The following PTPRR variants were observed in gnomAD, a reference collection of about 807,000 sequenced individuals.
PTPRR encodes the protein receptor-type tyrosine-protein phosphatase R.
Under a neutral mutation model 77.2 loss-of-function variants are expected in PTPRR, and 38 were observed. The ratio of observed to expected loss-of-function variants is 0.49; its 90% CI spans 0.38 to 0.65. The LOEUF (loss-of-function observed/expected upper bound fraction) is 0.65. Among genes scored for constraint, PTPRR ranks in the 30% least tolerant of loss-of-function variants. The pLI is 0.00. For synonymous variants in PTPRR, 299 were observed against 283.1 expected (o/e 1.06, Z -0.57); for missense variants, 744 against 799.2 (o/e 0.93, Z 0.83).
chr12:70,692,278 T>C (rs1262202777), intron 8 of PTPRR, among the ~76,000 whole-genome samples: 1 of 152,196 alleles, frequency 6.6e-6, no homozygotes, highest in Non-Finnish European at 1.5e-5. Context: ...TTATTGATAA[T>C]TCAGTTTAGA....
chr12:70,706,131 G>T (rs992750813), intron 6 of PTPRR, among the ~76,000 whole-genome samples: 1 of 152,108 alleles, frequency 6.6e-6, no homozygotes, highest in African/African-American at 2.4e-5. Flanking sequence ...GGACTGAGTG[G>T]CATAGGCAGT....
chr12:70,780,441 A>C (rs1304171778), intron 2 of PTPRR, among the ~76,000 whole-genome samples: 1 of 152,224 alleles, frequency 6.6e-6, no homozygotes, highest in Non-Finnish European at 1.5e-5. Flanking sequence ...TGCATATGAT[A>C]GAAAATTTAT....
chr12:70,695,627 C>T (rs989231816), intron 8 of PTPRR, among the ~76,000 whole-genome samples: 3 of 152,124 alleles, frequency 2.0e-5, no homozygotes, highest in Non-Finnish European at 4.4e-5. Context: ...TGAACTAATG[C>T]TAATAATTTC....
chr12:70,733,481 A>AAAAAAAAAAAAAAAAAAAAAAAATTTT (rs1565672469), intron 6 of PTPRR, among the ~76,000 whole-genome samples: 1 of 80,836 alleles, frequency 1.2e-5, no homozygotes, highest in African/African-American at 6.3e-5. Context: ...AAAAAAAAAA[A>AAAAAAAAAAAAAAAAAAAAAAAATTTT]GAAAAAAAAA....
In PTPRR at chr12:70,900,031, G is replaced by A. The variant is rs183141961; in HGVS notation, c.59-7054C>T. 1.3e-4 allele frequency among the ~76,000 whole-genome samples: 19 copies of A among 151,384 alleles called. No homozygotes were observed. The East Asian group carries it at 2.3e-3, about 19-fold the overall frequency. Reference sequence around the variant, plus strand: ...AATGTTGAACAAAGAAATCAGAGACGACCTAAATAAACAACAAATATACTA... The same window carrying A: ...AATGTTGAACAAAGAAATCAGAGACAACCTAAATAAACAACAAATATACTA... On this transcript the variant is annotated intron_variant, in intron 1 of 13. Transcript: ENST00000283228.
At chr12:70,701,860 C>T (rs766886173) in intron 6 of PTPRR, among the ~76,000 whole-genome samples, 5 of 152,016 alleles carry the variant, frequency 3.3e-5, no homozygotes, top group Non-Finnish European at 7.4e-5. Flanking sequence ...GTAGTCTCAG[C>T]TACTAGGGAG....
chr12:70,898,447 T>C (rs927398029), intron 1 of PTPRR, among the ~76,000 whole-genome samples: 3 of 149,874 alleles, frequency 2.0e-5, no homozygotes, highest in Admixed American at 6.7e-5. Flanking sequence ...CATCATTTAG[T>C]CTTTTTTTAA....
At chr12:70,640,802 T>C (rs192096384) in intron 13 of PTPRR, among the ~76,000 whole-genome samples, 19 of 152,334 alleles carry the variant, frequency 1.2e-4, no homozygotes, top group Admixed American at 1.2e-3. Flanking sequence ...TCTATGTCAA[T>C]ATTAGAGCAG....
intron 2 of PTPRR, among the ~76,000 whole-genome samples, chr12:70,856,919 G>C (rs2137074787): frequency 6.6e-6 from 1 of 152,060 alleles, no homozygotes; most frequent in Admixed American, 6.6e-5. Flanking sequence ...CAATTGGGTA[G>C]ATATATTTAC....
At chr12:70,660,347 CCTG>C (rs1886752518) in intron 12 of PTPRR, among the ~76,000 whole-genome samples, 1 of 151,998 alleles carries the variant, frequency 6.6e-6, no homozygotes, top group African/African-American at 2.4e-5. Flanking sequence ...CAGCACAGAC[CCTG>C]CTGCTGTTGT....
At chr12:70,795,366 GAAT>G (rs1891493579) in intron 2 of PTPRR, among the ~76,000 whole-genome samples, 1 of 152,086 alleles carries the variant, frequency 6.6e-6, no homozygotes, top group Non-Finnish European at 1.5e-5. Context: ...CTTCAAAACA[GAAT>G]AATAAGAAAT....
At chr12:70,675,353 TA>T (rs1887405754) in intron 10 of PTPRR, among the ~76,000 whole-genome samples, 1 of 152,018 alleles carries the variant, frequency 6.6e-6, no homozygotes, top group African/African-American at 2.4e-5. Flanking sequence ...GATTTTTCTA[TA>T]TTACCTTTTG....
At chr12:70,790,446 C>T (rs865971697) in intron 2 of PTPRR, among the ~76,000 whole-genome samples, 3 of 152,076 alleles carry the variant, frequency 2.0e-5, no homozygotes, top group Non-Finnish European at 4.4e-5. Context: ...TTGGCCATTC[C>T]TTTTCAAGTT....
At chr12:70,832,333 G>GT (rs1290994929) in intron 2 of PTPRR, among the ~76,000 whole-genome samples, 2 of 152,248 alleles carry the variant, frequency 1.3e-5, no homozygotes, top group South Asian at 2.1e-4. Context: ...TGCTAGATCA[G>GT]TTTTTTTCCA....
chr12:70,777,730 C>A (rs1000001821), intron 2 of PTPRR, among the ~76,000 whole-genome samples: 1 of 152,106 alleles, frequency 6.6e-6, no homozygotes, highest in Non-Finnish European at 1.5e-5. Context: ...TCCAGGGTCA[C>A]CCTAAAACTG....
intron 2 of PTPRR, among the ~76,000 whole-genome samples, chr12:70,881,443 C>G (rs758949037): frequency 6.6e-6 from 1 of 152,156 alleles, no homozygotes; most frequent in Non-Finnish European, 1.5e-5. Flanking sequence ...ATACACACAC[C>G]TCTTCCCACA....
intron 6 of PTPRR, among the ~76,000 whole-genome samples, chr12:70,731,946 G>C (rs1179715480): frequency 6.6e-6 from 1 of 152,196 alleles, no homozygotes; most frequent in Non-Finnish European, 1.5e-5. Context: ...CCTAGATTCT[G>C]TATTTTTCTA....
chr12:70,647,087 C>T (rs77857508), intron 13 of PTPRR, among the ~76,000 whole-genome samples: 4,722 of 151,968 alleles, frequency 0.031, 98 homozygotes, highest in Non-Finnish European at 0.046. Flanking sequence ...CAGTTTAAGC[C>T]CTCTAAGGTA....
chr12:70,867,155 C>T (rs1226218125), intron 2 of PTPRR, among the ~76,000 whole-genome samples: 3 of 151,088 alleles, frequency 2.0e-5, no homozygotes, highest in Non-Finnish European at 3.0e-5. Flanking sequence ...TCTCTCACCA[C>T]TCCTATTCAA....
Sources: allele counts gnomAD v4.1 joint callset (sites outside exome capture counted in the v4.1 genomes callset), GRCh38; gene constraint gnomAD v4.1.1; transcripts MANE v1.5; gene names NCBI Gene and HGNC (gene_info 2026-07-23, HGNC 2026-07-21).